Variants in RAB3C observed in about 807,000 individuals in gnomAD.
RAB3C encodes the protein ras-related protein Rab-3C.
In RAB3C, 17 loss-of-function variants were observed where a neutral mutation model predicts 26.4. The observed-to-expected ratio is 0.64, with a 90% CI of 0.44 to 0.97. The LOEUF is 0.97. RAB3C is among the 50% of genes least tolerant of loss of function. The pLI, the probability that RAB3C is intolerant of heterozygous loss-of-function variation, is 0.00. For synonymous variants in RAB3C, 91 were observed against 95.9 expected (o/e 0.95, Z 0.30); for missense variants, 242 against 281.9 (o/e 0.86, Z 1.01).
At chr5:58,689,519 G>GA (rs924180236) in intron 2 of RAB3C, among the ~76,000 whole-genome samples, 1 of 151,678 alleles carries the variant, frequency 6.6e-6, no homozygotes, top group Non-Finnish European at 1.5e-5. Flanking sequence ...TTTTGTTGAA[G>GA]AAAAAAAAGT....
chr5:58,836,719 T>C (rs1237986370), intron 4 of RAB3C, among the ~76,000 whole-genome samples: 2 of 152,218 alleles, frequency 1.3e-5, no homozygotes, highest in Non-Finnish European at 2.9e-5. Flanking sequence ...CAGGCTTTCA[T>C]TTTTTTATAG....
intron 3 of RAB3C, among the ~76,000 whole-genome samples, chr5:58,774,292 C>T (rs140837302): frequency 6.6e-5 from 10 of 152,272 alleles, no homozygotes; most frequent in African/African-American, 1.7e-4. Flanking sequence ...CTCTGCCTTT[C>T]CAAGGCCAGT....
chr5:58,794,724 TC>T (rs1284990637), intron 3 of RAB3C, among the ~76,000 whole-genome samples: 1 of 152,140 alleles, frequency 6.6e-6, no homozygotes, highest in Non-Finnish European at 1.5e-5. Context: ...AAAGTGGTTT[TC>T]CCCCCATTTT....
intron 2 of RAB3C, among the ~76,000 whole-genome samples, chr5:58,716,063 A>G (rs1003847903): frequency 4.0e-5 from 6 of 149,730 alleles, no homozygotes; most frequent in African/African-American, 1.5e-4. Context: ...AATAATAAAT[A>G]AATAAATACA....
At chr5:58,851,047 A>C in intron 4 of RAB3C, 117 bp from the exon 5 acceptor site, 1 of 966,722 alleles carries the variant, frequency 1.0e-6, no homozygotes. Flanking sequence ...CCTACCCCAA[A>C]CCTACCACCC....
intron 2 of RAB3C, among the ~76,000 whole-genome samples, chr5:58,654,067 C>A (rs1747712633): frequency 6.6e-6 from 1 of 152,106 alleles, no homozygotes; most frequent in Admixed American, 6.5e-5. Context: ...TTTTCTTTTT[C>A]TTCATCATCA....
At chr5:58,850,091 C>A (rs887701860) in intron 4 of RAB3C, among the ~76,000 whole-genome samples, 1 of 152,212 alleles carries the variant, frequency 6.6e-6, no homozygotes, top group Non-Finnish European at 1.5e-5. Context: ...CAATCTCTGG[C>A]TGGCCTAGTG....
At chr5:58,727,502 G>A (rs1740918413) in intron 3 of RAB3C, among the ~76,000 whole-genome samples, 1 of 151,838 alleles carries the variant, frequency 6.6e-6, no homozygotes, top group South Asian at 2.1e-4. Context: ...TAAACTCAAG[G>A]CAATCTTAAT....
chr5:58,724,457 G>A (rs996421133), intron 2 of RAB3C, among the ~76,000 whole-genome samples: 1 of 151,664 alleles, frequency 6.6e-6, no homozygotes, highest in Non-Finnish European at 1.5e-5. Flanking sequence ...CTTCTTAAAA[G>A]CAGGGACCTT....
intron 4 of RAB3C, among the ~76,000 whole-genome samples, chr5:58,845,612 A>ATATATATATATATATATG: frequency 3.7e-5 from 3 of 81,740 alleles, no homozygotes; most frequent in African/African-American, 5.8e-5. Context: ...ATATATATAT[A>ATATATATATATATATATG]TGTGTGTGTG....
At chr5:58,791,864 C>A (rs1742530781) in intron 3 of RAB3C, among the ~76,000 whole-genome samples, 1 of 152,120 alleles carries the variant, frequency 6.6e-6, no homozygotes, top group Non-Finnish European at 1.5e-5. Flanking sequence ...TACTTAGAAG[C>A]AGTTTGATGT....
chr5:58,791,403 T>G (rs1408719972), intron 3 of RAB3C, among the ~76,000 whole-genome samples: 1 of 151,710 alleles, frequency 6.6e-6, no homozygotes, highest in East Asian at 1.9e-4. Context: ...ACATGAAGAG[T>G]TAGATGTTGG....
chr5:58,631,418 G>T (rs980854643), intron 2 of RAB3C, among the ~76,000 whole-genome samples: 1 of 152,196 alleles, frequency 6.6e-6, no homozygotes, highest in African/African-American at 2.4e-5. Flanking sequence ...GAAGCTAAAT[G>T]TTCAATTACA....
chr5:58,758,085 G>GA (rs1200828497), intron 3 of RAB3C, among the ~76,000 whole-genome samples: 1 of 152,046 alleles, frequency 6.6e-6, no homozygotes, highest in Non-Finnish European at 1.5e-5. Context: ...GGGACTACAG[G>GA]TGCCCACCAC....
intron 2 of RAB3C, among the ~76,000 whole-genome samples, chr5:58,710,599 A>AAAATATATAAAT (rs369239366): frequency 0.017 from 2,309 of 135,594 alleles, 39 homozygotes; most frequent in East Asian, 0.027. Context: ...ACTCTGTCTC[A>AAAATATATAAAT]AAATAAATAA....
chr5:58,837,532 T>C (rs1217260886), intron 4 of RAB3C, among the ~76,000 whole-genome samples: 1 of 150,056 alleles, frequency 6.7e-6, no homozygotes, highest in Admixed American at 6.7e-5. Flanking sequence ...GATCGAGTTT[T>C]CTATTTCTTC....
chr5:58,770,913 A>G (rs924758546), intron 3 of RAB3C, among the ~76,000 whole-genome samples: 1 of 152,218 alleles, frequency 6.6e-6, no homozygotes. Flanking sequence ...AAACATGTAC[A>G]TTACAGAATA....
At chr5:58,643,987 A>C (rs752144776) in intron 2 of RAB3C, among the ~76,000 whole-genome samples, 1 of 151,802 alleles carries the variant, frequency 6.6e-6, no homozygotes, top group Admixed American at 6.6e-5. Flanking sequence ...TGCCTGACTA[A>C]TTTTCGTACT....
chr5:58,793,078 A>G (rs1742565170), intron 3 of RAB3C, among the ~76,000 whole-genome samples: 1 of 152,060 alleles, frequency 6.6e-6, no homozygotes, highest in Non-Finnish European at 1.5e-5. Context: ...CCTGTCACAA[A>G]TGGAGGGGAG....
Sources: allele counts gnomAD v4.1 joint callset (sites outside exome capture counted in the v4.1 genomes callset), GRCh38; gene constraint gnomAD v4.1.1; transcripts MANE v1.5; gene names NCBI Gene and HGNC (gene_info 2026-07-23, HGNC 2026-07-21).